PLCE1: variants seen among roughly 807,000 people sequenced by gnomAD.
The protein encoded by PLCE1 is phospholipase C epsilon 1, also known as 1-phosphatidylinositol 4,5-bisphosphate phosphodiesterase epsilon-1.
PLCE1 carries 119 observed loss-of-function variants against 242.8 expected under a neutral mutation model. The ratio of observed to expected loss-of-function variants is 0.49; its 90% confidence interval spans 0.42 to 0.57. PLCE1 has a LOEUF of 0.57. Ranked by LOEUF, PLCE1 falls within the 20% of genes least tolerant of loss-of-function variation. The probability of loss-of-function intolerance (pLI) is 0.00; values close to 1 mark genes in which losing one functional copy is unlikely to be tolerated. For missense variants in PLCE1, 2,441 were observed against 2,788.8 expected, an observed-to-expected ratio of 0.88 and a Z score of 2.81; for synonymous variants, 945 against 1,017.4, an observed-to-expected ratio of 0.93 and a Z score of 1.35.
At chr10:94,095,813 T>A (rs2045287731) in intron 2 of PLCE1, among the ~76,000 whole-genome samples, 1 of 152,102 alleles carries the variant, frequency 6.6e-6, no homozygotes, top group South Asian at 2.1e-4. Context: ...TATTAAGGGG[T>A]ACAGGTGGGA....
At chr10:94,285,687 T>C (rs1421359177) in intron 22 of PLCE1, among the ~76,000 whole-genome samples, 4 of 152,116 alleles carry the variant, frequency 2.6e-5, no homozygotes, top group Non-Finnish European at 5.9e-5. Flanking sequence ...TCTCATTGGG[T>C]CCTTTACCAA....
At chr10:94,044,539 C>T (rs982408379) in intron 2 of PLCE1, among the ~76,000 whole-genome samples, 1 of 152,236 alleles carries the variant, frequency 6.6e-6, no homozygotes, top group Admixed American at 6.5e-5. Flanking sequence ...TGAACACAGA[C>T]TTGGCCGTTG....
At chr10:94,252,870 C>T (rs1280494999) in intron 9 of PLCE1, among the ~76,000 whole-genome samples, 3 of 152,022 alleles carry the variant, frequency 2.0e-5, no homozygotes, top group Non-Finnish European at 4.4e-5. Context: ...TTTTACCAAG[C>T]AAAGAACATA....
At chr10:94,030,127 A>G (rs1564633594) in intron 1 of PLCE1, among the ~76,000 whole-genome samples, 1 of 152,308 alleles carries the variant, frequency 6.6e-6, no homozygotes, top group East Asian at 1.9e-4. Context: ...AGTACTTTAA[A>G]GATTTGTCCA....
intron 20 of PLCE1, among the ~76,000 whole-genome samples, chr10:94,281,018 C>T (rs2052191335): frequency 6.6e-6 from 1 of 152,230 alleles, no homozygotes; most frequent in African/African-American, 2.4e-5. Context: ...CCTGAAACCC[C>T]ATGAGCTAAT....
chr10:94,030,906 T>C lies in PLCE1; in HGVS notation c.-141T>C. 2.5e-6 allele frequency: 2 copies of C among 804,350 alleles called. No homozygotes were observed. The highest frequency in any genetic ancestry group is 3.6e-4 in the Middle Eastern group (1 of 2,784). 49.8% of individuals were successfully genotyped at this position (804,350 alleles called of 1,614,324 possible). Reference sequence around the variant, plus strand: ...TTATTTGCCTCTTAATGCTCCTGAATGAAAGGAATTATCCCTTTGTTCTTT... The same window carrying C: ...TTATTTGCCTCTTAATGCTCCTGAACGAAAGGAATTATCCCTTTGTTCTTT... On this transcript the variant is annotated 5_prime_UTR_variant, in exon 2 of 33. The change abolishes an upstream ATG in the 5' untranslated region. Transcript: ENST00000371380.
chr10:94,098,779 C>G (rs961215355), intron 2 of PLCE1, among the ~76,000 whole-genome samples: 2 of 152,216 alleles, frequency 1.3e-5, no homozygotes, highest in African/African-American at 4.8e-5. Context: ...TTACTTCTTA[C>G]GAATACAACA....
At chr10:94,110,672 G>A (rs993182467) in intron 2 of PLCE1, among the ~76,000 whole-genome samples, 5 of 152,224 alleles carry the variant, frequency 3.3e-5, no homozygotes, top group African/African-American at 1.2e-4. Context: ...AGTGGTAGTG[G>A]TATCACAGGT....
At chr10:94,112,574 C>A (rs192092256) in intron 2 of PLCE1, among the ~76,000 whole-genome samples, 2 of 152,172 alleles carry the variant, frequency 1.3e-5, no homozygotes, top group Non-Finnish European at 2.9e-5. Context: ...GAGTTCCCAA[C>A]GAACCCTGGC....
At chr10:94,220,375 T>TA (rs1233663144) in intron 4 of PLCE1, among the ~76,000 whole-genome samples, 789 of 73,510 alleles carry the variant, frequency 0.011, 22 homozygotes, top group African/African-American at 0.034. Context: ...AACTAAACAT[T>TA]TTATATATAT....
intron 24 of PLCE1, among the ~76,000 whole-genome samples, chr10:94,300,838 A>G (rs549227629): frequency 6.8e-4 from 103 of 152,250 alleles, no homozygotes; most frequent in African/African-American, 2.2e-3. Flanking sequence ...AGGTGGGTGG[A>G]TCACTTCCGG....
chr10:94,160,089 G>A (rs1479689919), intron 3 of PLCE1, among the ~76,000 whole-genome samples: 1 of 152,162 alleles, frequency 6.6e-6, no homozygotes, highest in Non-Finnish European at 1.5e-5. Flanking sequence ...ACGTGTACAT[G>A]TGTCTTTATA....
intron 24 of PLCE1, among the ~76,000 whole-genome samples, chr10:94,303,330 T>A (rs1397176182): frequency 1.3e-5 from 2 of 152,178 alleles, no homozygotes; most frequent in African/African-American, 4.8e-5. Context: ...TGGGTAACTT[T>A]TATACAGACT....
chr10:94,204,593 G>C (rs1365525751), intron 4 of PLCE1, among the ~76,000 whole-genome samples: 1 of 152,068 alleles, frequency 6.6e-6, no homozygotes, highest in Non-Finnish European at 1.5e-5. Flanking sequence ...CTTGAACCCA[G>C]GTGGCGGAGG....
intron 6 of PLCE1, among the ~76,000 whole-genome samples, chr10:94,235,065 C>CACACAT (rs1202093575): frequency 7.1e-6 from 1 of 140,392 alleles, no homozygotes; most frequent in Non-Finnish European, 1.6e-5. Flanking sequence ...TGACCTTTCA[C>CACACAT]ACACACACAC....
Position 94,095,633 on chromosome 10 carries a change from C to T in PLCE1, c.1207-36541C>T, listed in dbSNP as rs558088991. 5.9e-5 allele frequency among the ~76,000 whole-genome samples: 9 copies of T among 152,198 alleles called. No homozygotes were observed. In the East Asian group the frequency reaches 9.6e-4, roughly 16 times the overall value. ...TGCTGTGTGTCACCAGCCACAGGGC[C>T]GCATGGGAGAGGAGAGAGAGGCACT... On this transcript the variant is annotated intron_variant, in intron 2 of 32. Coordinates refer to ENST00000371380, the MANE Select transcript of PLCE1 (RefSeq NM_016341.4).
chr10:94,135,879 G>A (rs535232165), intron 3 of PLCE1, among the ~76,000 whole-genome samples: 1 of 152,274 alleles, frequency 6.6e-6, no homozygotes, highest in South Asian at 2.1e-4. Flanking sequence ...GTAGCTTTTT[G>A]TTATGGCTAA....
chr10:94,147,472 G>C, intron 3 of PLCE1, among the ~76,000 whole-genome samples: 1 of 72,064 alleles, frequency 1.4e-5, no homozygotes, highest in African/African-American at 4.2e-5. Context: ...GAGAAAGAGA[G>C]AGGAGAGAAA....
At chr10:94,130,627 A>G (rs1321910078) in intron 2 of PLCE1, among the ~76,000 whole-genome samples, 1 of 152,214 alleles carries the variant, frequency 6.6e-6, no homozygotes, top group African/African-American at 2.4e-5. Flanking sequence ...TTTCTGTCCC[A>G]GCACACCATC....
Sources: gnomAD v4.1 joint callset for allele counts (sites outside exome capture counted in the v4.1 genomes callset) on GRCh38, gnomAD v4.1.1 for gene constraint, MANE v1.5 for transcripts, NCBI Gene and HGNC (gene_info 2026-07-23, HGNC 2026-07-21) for gene names.